The following PTPRR variants were observed in gnomAD, a reference collection of about 807,000 sequenced individuals.
PTPRR encodes protein tyrosine phosphatase receptor type R.
A neutral mutation model predicts 77.2 loss-of-function variants in PTPRR; 38 were observed. The ratio of observed to expected loss-of-function variants is 0.49; its 90% CI spans 0.38 to 0.65. The LOEUF (loss-of-function observed/expected upper bound fraction) is 0.65, where lower values mean the gene tolerates loss of function less well. Among genes scored for constraint, PTPRR ranks in the 30% least tolerant of loss-of-function variants. PTPRR has a pLI of 0.00. For synonymous variants in PTPRR, 299 were observed against 283.1 expected (o/e 1.06, Z -0.57); for missense variants, 744 against 799.2 (o/e 0.93, Z 0.83).
At chr12:70,865,176 C>T (rs1052846168) in intron 2 of PTPRR, among the ~76,000 whole-genome samples, 4 of 152,114 alleles carry the variant, frequency 2.6e-5, no homozygotes, top group East Asian at 1.9e-4. Context: ...TCTTGCCTGT[C>T]GCCATGTAAG....
chr12:70,865,662 T>C (rs1440893634), intron 2 of PTPRR, among the ~76,000 whole-genome samples: 2 of 152,216 alleles, frequency 1.3e-5, no homozygotes, highest in Non-Finnish European at 2.9e-5. Context: ...AGTTTTCTAA[T>C]ATATATGAAG....
At chr12:70,876,891 T>C (rs574752798) in intron 2 of PTPRR, among the ~76,000 whole-genome samples, 1 of 152,158 alleles carries the variant, frequency 6.6e-6, no homozygotes, top group African/African-American at 2.4e-5. Context: ...GGTGAACATA[T>C]GGCAAGTGTT....
intron 10 of PTPRR, among the ~76,000 whole-genome samples, chr12:70,681,031 T>C (rs1479136997): frequency 6.6e-6 from 1 of 152,136 alleles, no homozygotes; most frequent in Non-Finnish European, 1.5e-5. Context: ...ATGGGCTTCA[T>C]GGATGGGGCA....
intron 2 of PTPRR, among the ~76,000 whole-genome samples, chr12:70,771,604 T>C (rs1890979661): frequency 6.6e-6 from 1 of 152,342 alleles, no homozygotes; most frequent in South Asian, 2.1e-4. Flanking sequence ...TGTCTAGTTA[T>C]AATAAAAAGC....
rs571725192 is a variant in PTPRR, at chr12:70,806,885, G to A, written c.358-42107C>T. Among the ~76,000 whole-genome samples the A allele has an allele frequency of 1.2e-3, 180 of 152,198 alleles. 1 individual carries two copies. Among genetic ancestry groups the A allele is most frequent in the African/African-American group, 2.6e-3 (110 of 41,540 alleles). On this transcript the variant is annotated intron_variant, in intron 2 of 13. Transcript: ENST00000283228. ...TTGTTCTATGTGGGGATAGTACTGG[G>A]AGATTGACCCCACAGAAATTCTCAA...
chr12:70,742,943 A>G (rs1359904212), intron 6 of PTPRR, among the ~76,000 whole-genome samples: 1 of 152,202 alleles, frequency 6.6e-6, no homozygotes, highest in African/African-American at 2.4e-5. Context: ...CCATTTCTGA[A>G]TGTTGTAAGT....
chr12:70,728,649 T>A (rs1205475640), intron 6 of PTPRR, among the ~76,000 whole-genome samples: 3 of 150,076 alleles, frequency 2.0e-5, no homozygotes, highest in African/African-American at 7.3e-5. Context: ...CAATGTTCAA[T>A]AAGTTTTGAA....
intron 2 of PTPRR, among the ~76,000 whole-genome samples, chr12:70,796,146 ACTC>A (rs1891509663): frequency 6.7e-6 from 1 of 149,506 alleles, no homozygotes; most frequent in African/African-American, 2.5e-5. Flanking sequence ...CTGGTCTTGA[ACTC>A]CTGACCTCAG....
At chr12:70,739,115 A>G (rs999835534) in intron 6 of PTPRR, among the ~76,000 whole-genome samples, 31 of 152,362 alleles carry the variant, frequency 2.0e-4, no homozygotes, top group East Asian at 7.7e-4. Context: ...AGTTAAAAAT[A>G]TAATGTTATA....
chr12:70,767,417 G>A (rs11178407), intron 2 of PTPRR, among the ~76,000 whole-genome samples: 48,829 of 142,284 alleles, frequency 0.34, 10,859 homozygotes, highest in African/African-American at 0.6. Context: ...AGAGACAAAG[G>A]CGGCCATTAC....
At chr12:70,659,502 G>C (rs746601053) in intron 12 of PTPRR, among the ~76,000 whole-genome samples, 74 of 152,224 alleles carry the variant, frequency 4.9e-4, no homozygotes, top group Non-Finnish European at 9.9e-4. Context: ...CTGGAAAAAA[G>C]ATAGTCTCAT....
intron 6 of PTPRR, among the ~76,000 whole-genome samples, chr12:70,742,476 T>G (rs1890078950): frequency 6.6e-6 from 1 of 151,928 alleles, no homozygotes; most frequent in Non-Finnish European, 1.5e-5. Context: ...CCTGGAAAAA[T>G]GTCCAAGTAG....
At chr12:70,774,487 G>A (rs1197962664) in intron 2 of PTPRR, among the ~76,000 whole-genome samples, 1 of 152,228 alleles carries the variant, frequency 6.6e-6, no homozygotes, top group Non-Finnish European at 1.5e-5. Flanking sequence ...TACAAAAGCT[G>A]TACATTTGAA....
intron 2 of PTPRR, among the ~76,000 whole-genome samples, chr12:70,786,043 CT>C (rs1891315142): frequency 6.6e-6 from 1 of 152,274 alleles, no homozygotes; most frequent in African/African-American, 2.4e-5. Flanking sequence ...GCAGCCAAAG[CT>C]TGAGTTGAAA....
At chr12:70,798,347 T>G (rs1174730570) in intron 2 of PTPRR, among the ~76,000 whole-genome samples, 2 of 152,218 alleles carry the variant, frequency 1.3e-5, no homozygotes, top group Non-Finnish European at 2.9e-5. Context: ...ATAGCATCCC[T>G]GCTTCCATTC....
At chr12:70,657,834 C>G (rs781655184) in intron 12 of PTPRR, among the ~76,000 whole-genome samples, 4 of 152,146 alleles carry the variant, frequency 2.6e-5, no homozygotes, top group Non-Finnish European at 4.4e-5. Context: ...CTCTGCTGAG[C>G]CTGTGGGATT....
At chr12:70,830,189 T>C (rs1256437968) in intron 2 of PTPRR, among the ~76,000 whole-genome samples, 1 of 152,158 alleles carries the variant, frequency 6.6e-6, no homozygotes, top group African/African-American at 2.4e-5. Context: ...TTTGTGGCCA[T>C]CAAAGCAACC....
Position 70,920,395 on chromosome 12 carries a change from T to A in PTPRR, c.-5A>T. The A allele has an allele frequency of 6.2e-7, 1 of 1,612,698 alleles. No homozygotes were observed. The highest frequency in any genetic ancestry group is 2.2e-5 in the East Asian group (1 of 44,792). On this transcript the variant is annotated 5_prime_UTR_variant, in exon 1 of 14. Coordinates refer to ENST00000283228, the MANE Select transcript of PTPRR (RefSeq NM_002849.4). Reference sequence around the variant, plus strand: ...GAAGCAGACTGCTCTCCGCATAGTGTTTGCATTGAGAGGTGGAGGAGAAAC... The same window carrying A: ...GAAGCAGACTGCTCTCCGCATAGTGATTGCATTGAGAGGTGGAGGAGAAAC...
chr12:70,777,583 T>C (rs908031830), intron 2 of PTPRR, among the ~76,000 whole-genome samples: 1 of 152,238 alleles, frequency 6.6e-6, no homozygotes, highest in Non-Finnish European at 1.5e-5. Context: ...CATTATATTC[T>C]GTGTATTAGA....
Sources: gnomAD v4.1 joint callset for allele counts (sites outside exome capture counted in the v4.1 genomes callset) on GRCh38, gnomAD v4.1.1 for gene constraint, MANE v1.5 for transcripts, NCBI Gene and HGNC (gene_info 2026-07-23, HGNC 2026-07-21) for gene names.